PCDHGA5: variants seen among roughly 807,000 people sequenced by gnomAD.
The protein encoded by PCDHGA5 is protocadherin gamma-A5.
PCDHGA5 carries 36 observed loss-of-function variants against 56.7 expected under a neutral mutation model. The ratio of observed to expected loss-of-function variants is 0.64; its 90% confidence interval spans 0.49 to 0.84. The LOEUF (loss-of-function observed/expected upper bound fraction) is 0.84, where lower values mean the gene tolerates loss of function less well. Among genes scored for constraint, PCDHGA5 ranks in the 40% least tolerant of loss-of-function variants. The probability of loss-of-function intolerance (pLI) is 0.00; values close to 1 mark genes in which losing one functional copy is unlikely to be tolerated. For synonymous variants in PCDHGA5, 563 were observed against 520.2 expected (o/e 1.08, Z -1.12); for missense variants, 1,305 against 1,201.5 (o/e 1.09, Z -1.27).
chr5:141,383,197 G>C lies in PCDHGA5; in HGVS notation c.2421+16446G>C, dbSNP rs184479480. ...CCGGGAAGAGATCTGCGCTCAGAGTGCGCGGTGTCTGGTAAACTTTAACAT... is the reference window on the plus strand; with the variant it reads ...CCGGGAAGAGATCTGCGCTCAGAGTCCGCGGTGTCTGGTAAACTTTAACAT... On this transcript the variant is annotated intron_variant, in intron 1 of 3. Transcript: ENST00000518069. 7.4e-4 allele frequency: 1,202 copies of C among 1,614,034 alleles called. 10 individuals are homozygous for C. The African/African-American group carries it at 0.015, about 20-fold the overall frequency.
intron 2 of PCDHGA5, among the ~76,000 whole-genome samples, chr5:141,499,885 G>A (rs945162089): frequency 2.6e-5 from 4 of 151,850 alleles, no homozygotes; most frequent in Non-Finnish European, 4.4e-5. Flanking sequence ...ACAGGGTTTC[G>A]CCATGTTGGC....
At chr5:141,392,921 A>T in intron 1 of PCDHGA5, 2 of 1,613,940 alleles carry the variant, frequency 1.2e-6, no homozygotes, top group Non-Finnish European at 1.7e-6. Flanking sequence ...ACTCTGTGCC[A>T]GAAGAGACGG....
rs762196264 is a variant in PCDHGA5, at chr5:141,364,884, G to A, written c.554G>A (p.Gly185Glu). ...NLHFSLDVVSGTDGQKYPELV... is the reference protein window; with the variant it reads ...NLHFSLDVVSETDGQKYPELV... The stretch of plus-strand genomic sequence containing the variant: ...CACTTCTCTCTGGATGTGGTAAGCG[G>A]AACTGATGGACAAAAGTATCCGGAG... Residue 185 changes from glycine to glutamate, a missense_variant, in exon 1 of 4, where the codon GGA becomes GAA. Gly to Glu is a moderately conservative substitution (Grantham distance 98). Transcript: ENST00000518069. 1.9e-6 allele frequency: 3 copies of A among 1,613,884 alleles called. No individual in the cohort carries two copies. The Admixed American group carries it at 5.0e-5, about 27-fold the overall frequency.
intron 1 of PCDHGA5, chr5:141,399,630 G>A: frequency 1.9e-6 from 3 of 1,613,874 alleles, no homozygotes; most frequent in Non-Finnish European, 1.7e-6. Flanking sequence ...CCTCTTACGT[G>A]TCCATGAGCG....
Position 141,477,197 on chromosome 5 carries a change from G to C in PCDHGA5, c.2422-17610G>C, listed in dbSNP as rs781504885. 6.2e-7 allele frequency: 1 copy of C among 1,614,210 alleles called. No homozygotes were observed. Among genetic ancestry groups the C allele is most frequent in the South Asian group, 1.1e-5 (1 of 91,082 alleles). On this transcript the variant is annotated intron_variant, in intron 1 of 3. Transcript: ENST00000518069. The surrounding 1 kb of genome is among the most constrained non-coding windows in gnomAD (Gnocchi z 4.9). ...CACAGTCACCTCCGTGTACAGCCCA[G>C]TACCCGAGGATGCCCCTCTGGGGAC...
chr5:141,420,795 A>G (rs1046945975), intron 1 of PCDHGA5, among the ~76,000 whole-genome samples: 1 of 152,260 alleles, frequency 6.6e-6, no homozygotes, highest in Non-Finnish European at 1.5e-5. Flanking sequence ...AAAACTTTTT[A>G]AAAATTAAGC....
chr5:141,501,335 C>CA (rs2099808433), intron 2 of PCDHGA5, among the ~76,000 whole-genome samples: 1 of 135,634 alleles, frequency 7.4e-6, no homozygotes, highest in Non-Finnish European at 1.6e-5. Context: ...ACACACACAC[C>CA]CCAAACTCAA....
intron 1 of PCDHGA5, chr5:141,423,483 A>G (rs767321755): frequency 1.9e-6 from 3 of 1,613,974 alleles, no homozygotes; most frequent in Middle Eastern, 3.3e-4. Flanking sequence ...CTTTCCTGCA[A>G]ACCTATTCCC....
At chr5:141,496,310 A>G (rs1446146598) in intron 2 of PCDHGA5, among the ~76,000 whole-genome samples, 1 of 152,218 alleles carries the variant, frequency 6.6e-6, no homozygotes, top group East Asian at 1.9e-4. Context: ...GCTCTGCGCC[A>G]GGCCTCCCAG....
At chr5:141,404,381 T>A (rs762394525) in intron 1 of PCDHGA5, 5 of 1,613,954 alleles carry the variant, frequency 3.1e-6, no homozygotes, top group Middle Eastern at 1.6e-4. Context: ...CGTGATTGCC[T>A]ATGACCCTGA....
intron 1 of PCDHGA5, chr5:141,374,689 G>A (rs1337417637): frequency 1.2e-6 from 2 of 1,609,578 alleles, no homozygotes; most frequent in East Asian, 2.2e-5. Context: ...CACTGGACCG[G>A]GAAGGAGAAG....
chr5:141,380,612 A>G (rs1163500028), intron 1 of PCDHGA5, among the ~76,000 whole-genome samples: 1 of 152,204 alleles, frequency 6.6e-6, no homozygotes, highest in African/African-American at 2.4e-5. Context: ...TAATTTTATG[A>G]TGTTCGATAA....
At position 141,364,771 on chromosome 5, in the gene PCDHGA5, T is replaced by G; in HGVS notation, c.441T>G (p.Ala147=). 1 of 1,614,002 alleles carries G rather than the reference T, an allele frequency of 6.2e-7. No homozygotes were observed. The highest frequency in any genetic ancestry group is 8.5e-7 in the Non-Finnish European group (1 of 1,179,900). The part of the protein sequence containing the change: ...ELKVKVNENA[A]AGTRLVLPFA... ...AAGTAAAAGTTAATGAAAATGCGGCTGCAGGGACACGGTTAGTGCTTCCCT... is the reference window on the plus strand; with the variant it reads ...AAGTAAAAGTTAATGAAAATGCGGCGGCAGGGACACGGTTAGTGCTTCCCT... The change falls in exon 1 of 4, where the codon GCT becomes GCG. Residue 147 remains alanine (A), a synonymous_variant. Transcript: ENST00000518069.
At chr5:141,436,347 CT>C (rs1402378657) in intron 1 of PCDHGA5, among the ~76,000 whole-genome samples, 1 of 152,118 alleles carries the variant, frequency 6.6e-6, no homozygotes, top group African/African-American at 2.4e-5. Context: ...ATATCAGTGA[CT>C]TCAATCAACT....
chr5:141,419,756 G>C (rs1006926516), intron 1 of PCDHGA5: 10 of 1,613,890 alleles, frequency 6.2e-6, no homozygotes, highest in Admixed American at 1.7e-5. Flanking sequence ...GCGTGCTTTG[G>C]GTGACAAGGA....
intron 1 of PCDHGA5, chr5:141,413,563 A>G: frequency 6.2e-7 from 1 of 1,613,918 alleles, no homozygotes; most frequent in Non-Finnish European, 8.5e-7. Context: ...AGTAACTGAT[A>G]TCAATGACAA....
At position 141,431,359 on chromosome 5, in the gene PCDHGA5, G is replaced by C; in HGVS notation, c.2422-63448G>C. ...CCGAATTGGTGCTGAAACGCGCCCT[G>C]GACCGCGAAGAAAAGGCTGCTCACC... On this transcript the variant is annotated intron_variant, in intron 1 of 3. Coordinates refer to ENST00000518069, the MANE Select transcript of PCDHGA5 (RefSeq NM_018918.3). This position sits in a 1 kb window ranked among gnomAD's most constrained non-coding sequence, Gnocchi z 4.8. The C allele has an allele frequency of 6.2e-7, 1 of 1,614,024 alleles. No homozygotes were observed. Among genetic ancestry groups the C allele is most frequent in the Non-Finnish European group, 8.5e-7 (1 of 1,180,030 alleles).
At chr5:141,406,185 A>G (rs1204342088) in intron 1 of PCDHGA5, among the ~76,000 whole-genome samples, 1 of 150,712 alleles carries the variant, frequency 6.6e-6, no homozygotes, top group Non-Finnish European at 1.5e-5. Flanking sequence ...CAATCCTCCC[A>G]CCTCAGCCTT....
At chr5:141,384,606 AGAT>A (rs1561603197) in intron 1 of PCDHGA5, 6 of 1,614,152 alleles carry the variant, frequency 3.7e-6, no homozygotes, top group Non-Finnish European at 5.1e-6. Flanking sequence ...CCCTCCCCAC[AGAT>A]GGTTCTACTG....
Sources: gnomAD v4.1 joint callset for allele counts (sites outside exome capture counted in the v4.1 genomes callset) on GRCh38, gnomAD v4.1.1 for gene constraint, Gnocchi (gnomAD v3.1) non-coding constraint, MANE v1.5 for transcripts, NCBI Gene and HGNC (gene_info 2026-07-23, HGNC 2026-07-21) for gene names.